Variants in E2F2 observed in about 807,000 individuals in gnomAD.
E2F2 encodes the protein transcription factor E2F2.
E2F2 carries 22 observed loss-of-function variants against 42.2 expected under a neutral mutation model. That is an observed-to-expected ratio of 0.52 (90% CI 0.37 to 0.74). The LOEUF is 0.74. Among genes scored for constraint, E2F2 ranks in the 30% least tolerant of loss-of-function variants. E2F2 has a pLI of 0.00. For synonymous variants in E2F2, 248 were observed against 251.6 expected (o/e 0.99, Z 0.13); for missense variants, 481 against 557.8 (o/e 0.86, Z 1.39).
chr1:23,505,622 C>T (rs1482389518), downstream of E2F2, among the ~76,000 whole-genome samples: 3 of 152,202 alleles, frequency 2.0e-5, no homozygotes, highest in Admixed American at 6.5e-5. Context: ...AAGTGATTCT[C>T]CTGACTCAGC....
Position 23,522,175 on chromosome 1 carries a change from G to A in E2F2, c.359-119C>T, listed in dbSNP as rs1019935283. The A allele has an allele frequency of 7.3e-5, 64 of 878,910 alleles. No homozygotes were observed. The East Asian group carries it at 1.7e-3, about 23-fold the overall frequency. The allele number at this position is 878,910 out of a possible 1,614,324, so 54.4% of individuals were successfully genotyped here. A position where few individuals can be genotyped will look rare whatever the true frequency, so the allele number is the denominator to read the frequency against. ...CACCACCCACTTTCCAGTTTACAAAGCAGTGTGAGCCAGGGCATCCATCAC... is the reference window on the plus strand; with the variant it reads ...CACCACCCACTTTCCAGTTTACAAAACAGTGTGAGCCAGGGCATCCATCAC... On this transcript the variant is annotated intron_variant, in intron 2 of 6. Coordinates refer to ENST00000361729, the MANE Select transcript of E2F2 (RefSeq NM_004091.4).
intron 5 of E2F2, among the ~76,000 whole-genome samples, 184 bp from the exon 6 acceptor site, chr1:23,516,711 T>C (rs1238641711): frequency 6.8e-6 from 1 of 147,172 alleles, no homozygotes; most frequent in Non-Finnish European, 1.5e-5. Flanking sequence ...TGTCTGGCCC[T>C]GAAGCCCACT....
chr1:23,527,031 A>T (rs1056409735), intron 1 of E2F2, among the ~76,000 whole-genome samples: 4 of 152,208 alleles, frequency 2.6e-5, no homozygotes, highest in Non-Finnish European at 5.9e-5. Context: ...CCTGCAGAAC[A>T]CAGGTGGCAG....
At chr1:23,514,338 G>C (rs1402201300) in intron 6 of E2F2, among the ~76,000 whole-genome samples, 1 of 152,126 alleles carries the variant, frequency 6.6e-6, no homozygotes, top group Non-Finnish European at 1.5e-5. Context: ...GGTGTCCCAA[G>C]GGACAGATGG....
At chr1:23,521,563 C>T in intron 3 of E2F2, 1 of 985,392 alleles carries the variant, frequency 1.0e-6, no homozygotes, top group Non-Finnish European at 1.2e-6. Context: ...TTCCCTTTGG[C>T]CTTTACACCT....
intron 6 of E2F2, among the ~76,000 whole-genome samples, chr1:23,514,206 C>T (rs1422103406): frequency 6.6e-6 from 1 of 151,986 alleles, no homozygotes; most frequent in African/African-American, 2.4e-5. Context: ...ACAACTGAAG[C>T]GAAGGTGGTT....
chr1:23,517,304 T>A (rs1043902854), intron 5 of E2F2, among the ~76,000 whole-genome samples: 15 of 152,196 alleles, frequency 9.9e-5, no homozygotes, highest in African/African-American at 2.9e-4. Flanking sequence ...ACTGATGACA[T>A]GCATGCCATC....
At chr1:23,524,517 A>G in intron 1 of E2F2, 29 bp from the exon 2 acceptor site, 3 of 1,602,838 alleles carry the variant, frequency 1.9e-6, no homozygotes, top group Non-Finnish European at 1.7e-6. Flanking sequence ...AGAGAGGCAG[A>G]GTTTGAGAAT....
downstream of E2F2, chr1:23,506,293 A>T (rs1171978704): frequency 6.6e-6 from 1 of 152,268 alleles, no homozygotes; most frequent in East Asian, 1.9e-4. Flanking sequence ...TGGTGATAAG[A>T]GACTGTATCT....
downstream of E2F2, chr1:23,506,325 A>G (rs1024108931): frequency 6.6e-6 from 1 of 152,248 alleles, no homozygotes; most frequent in Non-Finnish European, 1.5e-5. Context: ...CCACTGGGCA[A>G]TCATGTGCCC....
Position 23,509,766 on chromosome 1 carries a change from C to T in E2F2, c.*114G>A. ...TGGGGCAGGAAAGGCGAGGAGACCCCATGCCCTGAGGGCAGCACCTAGTGT... is the reference window on the plus strand; with the variant it reads ...TGGGGCAGGAAAGGCGAGGAGACCCTATGCCCTGAGGGCAGCACCTAGTGT... On this transcript the variant is annotated 3_prime_UTR_variant, in exon 7 of 7. Transcript: ENST00000361729. 2 of 1,426,156 alleles carry T rather than the reference C, an allele frequency of 1.4e-6. No individual in the cohort carries two copies. The highest frequency in any genetic ancestry group is 2.7e-5 in the East Asian group (1 of 37,586). The allele number at this position is 1,426,156 out of a possible 1,614,324, so 88.3% of individuals were successfully genotyped here.
Position 23,519,028 on chromosome 1 carries a change from G to C in E2F2, c.840C>G (p.Pro280=), listed in dbSNP as rs200206288. The C allele has an allele frequency of 3.7e-6, 6 of 1,613,660 alleles. No individual in the cohort carries two copies. Among genetic ancestry groups the C allele is most frequent in the South Asian group, 1.1e-5 (1 of 91,006 alleles). ...KAPPQTRLEV[P]DRTEDNLQIY... is the part of the protein sequence containing the mutation. ...TTTCCCCTCTCACCTCAGTCCTGTC[G>C]GGCACTTCCAGTCTCGTCTGCGGAG... The change falls in exon 5 of 7, where the codon CCC becomes CCG. Residue 280 remains proline, a synonymous_variant. Coordinates refer to ENST00000361729, the MANE Select transcript of E2F2 (RefSeq NM_004091.4).
chr1:23,526,860 C>T (rs796246294), intron 1 of E2F2, among the ~76,000 whole-genome samples: 11 of 152,016 alleles, frequency 7.2e-5, no homozygotes, highest in East Asian at 5.8e-4. Context: ...TGCACACACA[C>T]ACACACACAC....
chr1:23,518,424 TTG>T (rs1244280402), intron 5 of E2F2, among the ~76,000 whole-genome samples: 2 of 151,922 alleles, frequency 1.3e-5, no homozygotes, highest in Admixed American at 1.3e-4. Context: ...TCAGCCAAGA[TTG>T]TGTCACTGCA....
chr1:23,512,371 A>G (rs748306496), intron 6 of E2F2, among the ~76,000 whole-genome samples: 9 of 152,084 alleles, frequency 5.9e-5, no homozygotes, highest in Non-Finnish European at 1.0e-4. Context: ...GCACACTCAA[A>G]TGGCCCTGAG....
chr1:23,525,193 C>A lies in E2F2; in HGVS notation c.253-705G>T, dbSNP rs977877905. On this transcript the variant is annotated intron_variant, in intron 1 of 6. Coordinates refer to ENST00000361729, the MANE Select transcript of E2F2 (RefSeq NM_004091.4). Reference sequence around the variant, plus strand: ...AAGGACAAGCAGCTGAGGCCACCCCCCCCCTCCAGCTCCCCCTTTCTGTTC... The same window carrying A: ...AAGGACAAGCAGCTGAGGCCACCCCACCCCTCCAGCTCCCCCTTTCTGTTC... Among the ~76,000 whole-genome samples, 18 of 151,226 alleles carry A rather than the reference C, an allele frequency of 1.2e-4. No individual in the cohort carries two copies. The South Asian group carries it at 3.4e-3, about 29-fold the overall frequency.
chr1:23,514,961 C>T (rs1642990471), intron 6 of E2F2, among the ~76,000 whole-genome samples: 1 of 151,760 alleles, frequency 6.6e-6, no homozygotes, highest in Admixed American at 6.6e-5. Context: ...CCATTCTTAG[C>T]TCATGGGTCA....
chr1:23,521,189 T>C (rs1290549190), intron 3 of E2F2, 118 bp from the exon 4 acceptor site: 4 of 1,190,792 alleles, frequency 3.4e-6, no homozygotes, highest in Non-Finnish European at 4.5e-6. Flanking sequence ...GTCATGCCTG[T>C]CTCTCAGGGA....
chr1:23,516,008 T>C (rs1250362542), intron 6 of E2F2, among the ~76,000 whole-genome samples: 1 of 152,178 alleles, frequency 6.6e-6, no homozygotes, highest in Non-Finnish European at 1.5e-5. Flanking sequence ...CACAACAACC[T>C]ATGAGTTAGA....
Sources: gnomAD v4.1 joint callset for allele counts (sites outside exome capture counted in the v4.1 genomes callset) on GRCh38, gnomAD v4.1.1 for gene constraint, MANE v1.5 for transcripts, NCBI Gene and HGNC (gene_info 2026-07-23, HGNC 2026-07-21) for gene names.